The following GALNT1 variants were observed in gnomAD, a reference collection of about 807,000 sequenced individuals.
The protein encoded by GALNT1 is GalNAc transferase 1.
A neutral mutation model predicts 65.7 loss-of-function variants in GALNT1; 17 were observed. The ratio of observed to expected loss-of-function variants is 0.26; its 90% CI spans 0.18 to 0.39. The LOEUF (loss-of-function observed/expected upper bound fraction) is 0.39, where lower values mean the gene tolerates loss of function less well. Ranked by LOEUF, GALNT1 falls within the 10% of genes least tolerant of loss-of-function variation. GALNT1 has a pLI of 1.00. For synonymous variants in GALNT1, 210 were observed against 219.7 expected (o/e 0.96, Z 0.39); for missense variants, 460 against 672.8 (o/e 0.68, Z 3.50).
At chr18:35,616,218 G>C (rs548149641) in intron 1 of GALNT1, among the ~76,000 whole-genome samples, 1 of 152,290 alleles carries the variant, frequency 6.6e-6, no homozygotes, top group South Asian at 2.1e-4. Context: ...ATACAGGTTT[G>C]TGGGTTTCAT....
intron 9 of GALNT1, among the ~76,000 whole-genome samples, chr18:35,693,227 C>G (rs749719511): frequency 1.3e-5 from 2 of 152,106 alleles, no homozygotes; most frequent in South Asian, 4.1e-4. Context: ...GCAGGTCATA[C>G]GAGTTTTTAG....
chr18:35,703,073 C>A, intron 10 of GALNT1, 78 bp downstream of exon 10: 1 of 748,406 alleles, frequency 1.3e-6, no homozygotes, highest in Non-Finnish European at 2.1e-6. Flanking sequence ...ACCATGACAT[C>A]ATTCAGGAAA....
chr18:35,607,018 C>G (rs562873077), intron 1 of GALNT1, among the ~76,000 whole-genome samples: 63 of 152,164 alleles, frequency 4.1e-4, no homozygotes, highest in African/African-American at 1.4e-3. Flanking sequence ...ATATTTTGTA[C>G]CCCTCAGAAG....
chr18:35,671,868 T>C (rs183523895), intron 3 of GALNT1, among the ~76,000 whole-genome samples: 126 of 152,348 alleles, frequency 8.3e-4, no homozygotes, highest in Middle Eastern at 3.4e-3. Context: ...TATTCTTCAA[T>C]TGTGGGACAT....
chr18:35,632,687 A>G (rs575070289), intron 1 of GALNT1, among the ~76,000 whole-genome samples: 1 of 152,352 alleles, frequency 6.6e-6, no homozygotes, highest in South Asian at 2.1e-4. Context: ...AACAAAAGAC[A>G]AAATTGACAA....
chr18:35,659,865 A>G (rs2047451383), intron 2 of GALNT1: 1 of 152,222 alleles, frequency 6.6e-6, no homozygotes. Flanking sequence ...CAGCGCAGGT[A>G]AATTGAACAT....
chr18:35,610,483 G>A (rs1203503861), intron 1 of GALNT1, among the ~76,000 whole-genome samples: 2 of 152,158 alleles, frequency 1.3e-5, no homozygotes, highest in Non-Finnish European at 2.9e-5. Flanking sequence ...TGTCTGTCCT[G>A]TTTATTGCTG....
At position 35,617,236 on chromosome 18, in the gene GALNT1, G is replaced by C. The variant is rs145101548; in HGVS notation, c.-104+35374G>C. 1.1e-3 allele frequency among the ~76,000 whole-genome samples: 170 copies of C among 151,992 alleles called. No individual in the cohort carries two copies. In the East Asian group the frequency reaches 0.028, roughly 25 times the overall value. ...CAGTGATGTTGTCTAACTCATCTTTGTTCTCATATGGTCTGGTAAAATGCT... is the reference window on the plus strand; with the variant it reads ...CAGTGATGTTGTCTAACTCATCTTTCTTCTCATATGGTCTGGTAAAATGCT... On this transcript the variant is annotated intron_variant, in intron 1 of 11. Transcript: ENST00000269195.
At chr18:35,669,009 A>T (rs1298514299) in intron 3 of GALNT1, among the ~76,000 whole-genome samples, 1 of 152,208 alleles carries the variant, frequency 6.6e-6, no homozygotes, top group Non-Finnish European at 1.5e-5. Flanking sequence ...TGGGAGGCCG[A>T]GGTGGGCGGA....
chr18:35,621,989 A>G (rs2046858194), intron 1 of GALNT1, among the ~76,000 whole-genome samples: 1 of 152,188 alleles, frequency 6.6e-6, no homozygotes, highest in Admixed American at 6.5e-5. Flanking sequence ...ATCTTGATAT[A>G]TGGTAGACAG....
intron 9 of GALNT1, among the ~76,000 whole-genome samples, chr18:35,701,022 A>G (rs1353405991): frequency 2.6e-5 from 4 of 152,008 alleles, no homozygotes; most frequent in Non-Finnish European, 5.9e-5. Context: ...GGAAATAATT[A>G]TTTTTTGTGA....
chr18:35,639,399 C>G (rs1248504621), intron 1 of GALNT1, among the ~76,000 whole-genome samples: 2 of 152,150 alleles, frequency 1.3e-5, no homozygotes, highest in African/African-American at 4.8e-5. Context: ...AAGGTATATA[C>G]ATTACTTTTA....
chr18:35,636,406 G>A (rs1432834568), intron 1 of GALNT1, among the ~76,000 whole-genome samples: 2 of 152,106 alleles, frequency 1.3e-5, no homozygotes, highest in Non-Finnish European at 2.9e-5. Context: ...GAGGGTTTTA[G>A]GTCAAAGAGA....
intron 1 of GALNT1, 54 bp downstream of exon 1, chr18:35,581,916 G>C (rs1857529238): frequency 6.6e-6 from 1 of 150,910 alleles, no homozygotes; most frequent in African/African-American, 2.4e-5. Flanking sequence ...CTGCGCGCGG[G>C]TCGGAGGTGG....
At position 35,711,687 on chromosome 18, in the gene GALNT1, C is replaced by T. The variant is rs2048352253; in HGVS notation, c.*1917C>T. 2 of 152,168 alleles carry T rather than the reference C, an allele frequency of 1.3e-5. No homozygotes were observed. 9.4% of individuals were successfully genotyped at this position (152,168 alleles called of 1,614,324 possible). ...TTCTTACTGTATGAAAGCTTAACAGCAATGTGATTTAAGGTTTTGTTTTAA... is the reference window on the plus strand; with the variant it reads ...TTCTTACTGTATGAAAGCTTAACAGTAATGTGATTTAAGGTTTTGTTTTAA... On this transcript the variant is annotated 3_prime_UTR_variant, in exon 12 of 12. Coordinates refer to ENST00000269195, the MANE Select transcript of GALNT1 (RefSeq NM_020474.4).
chr18:35,620,555 T>C (rs963854427), intron 1 of GALNT1, among the ~76,000 whole-genome samples: 22 of 152,228 alleles, frequency 1.4e-4, no homozygotes, highest in Admixed American at 1.4e-3. Context: ...TGGTGTATTA[T>C]CCTCATGCAT....
At chr18:35,699,422 A>G (rs918431825) in intron 9 of GALNT1, among the ~76,000 whole-genome samples, 1 of 152,204 alleles carries the variant, frequency 6.6e-6, no homozygotes, top group African/African-American at 2.4e-5. Context: ...TGACTACTGA[A>G]TATGTTACCA....
chr18:35,602,321 T>C (rs2046592096), intron 1 of GALNT1, among the ~76,000 whole-genome samples: 1 of 152,224 alleles, frequency 6.6e-6, no homozygotes, highest in African/African-American at 2.4e-5. Context: ...TTTGAGAGTT[T>C]GATCATTATA....
intron 3 of GALNT1, among the ~76,000 whole-genome samples, chr18:35,675,214 T>C (rs1361670466): frequency 6.6e-6 from 1 of 152,096 alleles, no homozygotes; most frequent in Non-Finnish European, 1.5e-5. Flanking sequence ...AAAGGGCTCT[T>C]TGGTTCTTCT....
Sources: allele counts gnomAD v4.1 joint callset (sites outside exome capture counted in the v4.1 genomes callset), GRCh38; gene constraint gnomAD v4.1.1; transcripts MANE v1.5; gene names NCBI Gene and HGNC (gene_info 2026-07-23, HGNC 2026-07-21).